Variants in EIF4E3 observed in about 807,000 individuals in gnomAD.
EIF4E3 encodes the protein eukaryotic translation initiation factor 4E type 3.
Under a neutral mutation model 31.7 loss-of-function variants are expected in EIF4E3, and 26 were observed. That is an observed-to-expected ratio of 0.82 (90% CI 0.60 to 1.14). The LOEUF is 1.14. EIF4E3 is among the 50% of genes most tolerant of loss of function. EIF4E3 has a pLI of 0.00. For synonymous variants in EIF4E3, 128 were observed against 107.7 expected, an observed-to-expected ratio of 1.19 and a Z score of -1.17; for missense variants, 304 against 270.9, an observed-to-expected ratio of 1.12 and a Z score of -0.86.
At chr3:71,710,011 T>TA (rs1393644214) in intron 2 of EIF4E3, among the ~76,000 whole-genome samples, 4 of 152,094 alleles carry the variant, frequency 2.6e-5, no homozygotes, top group Non-Finnish European at 5.9e-5. Flanking sequence ...AAACCTTTAG[T>TA]AACCCTGCAG....
chr3:71,716,891 C>A (rs1159454755), intron 1 of EIF4E3, among the ~76,000 whole-genome samples: 1 of 152,184 alleles, frequency 6.6e-6, no homozygotes, highest in Non-Finnish European at 1.5e-5. Context: ...AGCTTACAAT[C>A]CTCCATTCAG....
At chr3:71,730,868 C>T (rs1405161837) in intron 1 of EIF4E3, among the ~76,000 whole-genome samples, 1 of 152,094 alleles carries the variant, frequency 6.6e-6, no homozygotes, top group Non-Finnish European at 1.5e-5. Flanking sequence ...TAGCTACAAG[C>T]ACATGCCACC....
chr3:71,700,736 G>A (rs2049204633), intron 2 of EIF4E3, among the ~76,000 whole-genome samples: 1 of 151,976 alleles, frequency 6.6e-6, no homozygotes, highest in South Asian at 2.1e-4. Context: ...TAGACACTCT[G>A]TTTGCCCCTT....
At chr3:71,671,232 T>C (rs903427791), downstream of EIF4E3, among the ~76,000 whole-genome samples, 4 of 152,066 alleles carry the variant, frequency 2.6e-5, no homozygotes, top group Non-Finnish European at 4.4e-5. Context: ...AGGAAGCTCT[T>C]CTCTGCTGGA....
chr3:71,754,099 C>T (rs1326979831), upstream of EIF4E3: 3 of 1,381,926 alleles, frequency 2.2e-6, no homozygotes, highest in South Asian at 2.7e-5. The surrounding 1 kb of genome is among the most constrained non-coding windows in gnomAD (Gnocchi z 5.8). Flanking sequence ...GAGGCGGCCG[C>T]CCTGGGCCTC....
intron 1 of EIF4E3, among the ~76,000 whole-genome samples, chr3:71,745,673 T>C (rs533573304): frequency 6.6e-6 from 1 of 152,308 alleles, no homozygotes; most frequent in South Asian, 2.1e-4. Context: ...AAGGAATAGG[T>C]TTGATCTTGT....
chr3:71,714,882 A>G (rs2049441425), intron 1 of EIF4E3, among the ~76,000 whole-genome samples: 1 of 152,238 alleles, frequency 6.6e-6, no homozygotes, highest in Non-Finnish European at 1.5e-5. Context: ...AGACATTTGT[A>G]GCAACTGAAG....
At chr3:71,754,285 C>T (rs2049976125), upstream of EIF4E3, 1 of 1,151,732 alleles carries the variant, frequency 8.7e-7, no homozygotes, top group Non-Finnish European at 1.1e-6. The surrounding 1 kb of genome is among the most constrained non-coding windows in gnomAD (Gnocchi z 5.8). Flanking sequence ...ATGCTGGCGG[C>T]GCGGCGTGCG....
the EIF4E3 span, among the ~76,000 whole-genome samples, chr3:71,660,746 C>T: frequency 6.6e-6 from 1 of 152,076 alleles, no homozygotes; most frequent in African/African-American, 2.4e-5. Context: ...GGACAGACAC[C>T]GAAGCCCAAA....
In EIF4E3 at chr3:71,693,865, G is replaced by A; in HGVS notation, c.472+10C>T. Reference sequence around the variant, plus strand: ...GAGGCAGGGCCGGCCGGAGCCGTGGGCTGCTTTACCTGCTGCGGCACAGTC... The same window carrying A: ...GAGGCAGGGCCGGCCGGAGCCGTGGACTGCTTTACCTGCTGCGGCACAGTC... On this transcript the variant is annotated intron_variant, in intron 5 of 6. Transcript: ENST00000425534. 1 of 1,547,272 alleles carries A rather than the reference G, an allele frequency of 6.5e-7. No individual in the cohort carries two copies. The highest frequency in any genetic ancestry group is 1.4e-5 in the African/African-American group (1 of 73,230).
At chr3:71,701,721 T>C (rs751817072) in intron 2 of EIF4E3, among the ~76,000 whole-genome samples, 1 of 152,158 alleles carries the variant, frequency 6.6e-6, no homozygotes, top group Non-Finnish European at 1.5e-5. Context: ...TTCAAGCCTG[T>C]TTTGTGTTAA....
intron 5 of EIF4E3, among the ~76,000 whole-genome samples, 191 bp from the exon 6 acceptor site, chr3:71,690,356 T>G (rs138856604): frequency 1.6e-4 from 24 of 152,340 alleles, no homozygotes; most frequent in South Asian, 4.1e-4. Flanking sequence ...GCACAAAAGC[T>G]GTAGCAGTCA....
At chr3:71,744,755 A>C (rs776016981) in intron 1 of EIF4E3, among the ~76,000 whole-genome samples, 1 of 152,200 alleles carries the variant, frequency 6.6e-6, no homozygotes, top group Non-Finnish European at 1.5e-5. Context: ...AAAAAAATAT[A>C]TATATTTACG....
chr3:71,668,293 T>A, the EIF4E3 span, among the ~76,000 whole-genome samples: 3 of 152,010 alleles, frequency 2.0e-5, no homozygotes, highest in Non-Finnish European at 2.9e-5. Flanking sequence ...CCTAAAACCA[T>A]AAAAACCCTA....
At chr3:71,717,183 C>A (rs1035623092) in intron 1 of EIF4E3, among the ~76,000 whole-genome samples, 1 of 152,184 alleles carries the variant, frequency 6.6e-6, no homozygotes, top group Non-Finnish European at 1.5e-5. Context: ...TAGCATCACC[C>A]GGGAGCTTGT....
chr3:71,732,110 G>C (rs550050439), intron 1 of EIF4E3, among the ~76,000 whole-genome samples: 1 of 152,042 alleles, frequency 6.6e-6, no homozygotes, highest in Admixed American at 6.5e-5. Flanking sequence ...TTCCTAGCAC[G>C]GTGTCTGGCA....
At position 71,676,573 on chromosome 3, in the gene EIF4E3, T is replaced by C. The variant is rs981906264; in HGVS notation, c.*8109A>G. 1.3e-5 allele frequency: 2 copies of C among 152,218 alleles called. No homozygotes were observed. Among genetic ancestry groups the C allele is most frequent in the African/African-American group, 4.8e-5 (2 of 41,446 alleles). The allele number at this position is 152,218 out of a possible 1,614,324, so 9.4% of individuals were successfully genotyped here. A position where few individuals can be genotyped will look rare whatever the true frequency, so the allele number is the denominator to read the frequency against. On this transcript the variant is annotated 3_prime_UTR_variant, in exon 7 of 7. Transcript: ENST00000425534. ...TGTTAAAATTTGGCCATGTGATGCA[T>C]GTCACTGTGTGTTATTGCTTTATTA...
At chr3:71,754,299 G>T (rs779604422), upstream of EIF4E3, 88 of 1,150,468 alleles carry the variant, frequency 7.6e-5, 1 homozygote, top group Admixed American at 9.6e-5. The surrounding 1 kb of genome is among the most constrained non-coding windows in gnomAD (Gnocchi z 5.8). Context: ...GCGTGCGGCG[G>T]CCGCGGCGGG....
chr3:71,747,490 T>C (rs141359515), intron 1 of EIF4E3, among the ~76,000 whole-genome samples: 3 of 152,352 alleles, frequency 2.0e-5, no homozygotes, highest in Admixed American at 6.5e-5. Flanking sequence ...TTTTGAGTTA[T>C]GAGTTCTTTA....
Sources: allele counts gnomAD v4.1 joint callset (sites outside exome capture counted in the v4.1 genomes callset), GRCh38; gene constraint gnomAD v4.1.1; non-coding constraint Gnocchi (gnomAD v3.1); transcripts MANE v1.5; gene names NCBI Gene and HGNC (gene_info 2026-07-23, HGNC 2026-07-21).